The following GPC6 variants were observed in gnomAD, a reference collection of about 807,000 sequenced individuals.
GPC6 encodes the protein glypican-6.
Under a neutral mutation model 55.2 loss-of-function variants are expected in GPC6, and 14 were observed. The observed-to-expected ratio is 0.25, with a 90% confidence interval of 0.17 to 0.40. The LOEUF is 0.40. Among genes scored for constraint, GPC6 ranks in the 10% least tolerant of loss-of-function variants. The pLI is 1.00. For synonymous variants in GPC6, 278 were observed against 259.6 expected, an observed-to-expected ratio of 1.07 and a Z score of -0.68; for missense variants, 641 against 708.5, an observed-to-expected ratio of 0.90 and a Z score of 1.08.
intron 1 of GPC6, among the ~76,000 whole-genome samples, chr13:93,441,722 C>G (rs556707742): frequency 1.3e-5 from 2 of 152,272 alleles, no homozygotes; most frequent in East Asian, 3.9e-4. Flanking sequence ...TCAATTTTGG[C>G]TTTTGTTGCC....
chr13:94,095,152 G>A (rs1885615816), intron 4 of GPC6, among the ~76,000 whole-genome samples: 2 of 152,064 alleles, frequency 1.3e-5, no homozygotes, highest in Admixed American at 1.3e-4. Context: ...GTATATATAG[G>A]TAAAATCGAA....
chr13:93,652,382 C>A (rs1880455108), intron 2 of GPC6, among the ~76,000 whole-genome samples: 1 of 152,150 alleles, frequency 6.6e-6, no homozygotes, highest in Non-Finnish European at 1.5e-5. Context: ...CTACTCTGCC[C>A]CCTGCCCTGT....
chr13:93,385,991 G>A (rs1418707906), intron 1 of GPC6, among the ~76,000 whole-genome samples: 2 of 151,130 alleles, frequency 1.3e-5, no homozygotes, highest in African/African-American at 4.9e-5. Context: ...GGGTCCAATG[G>A]CATTTCAGTG....
At chr13:93,733,365 A>G (rs1195597282) in intron 2 of GPC6, among the ~76,000 whole-genome samples, 1 of 152,140 alleles carries the variant, frequency 6.6e-6, no homozygotes, top group East Asian at 1.9e-4. Flanking sequence ...TATATGGTTC[A>G]TGACGATGTG....
chr13:94,029,202 T>C (rs1011826491), intron 4 of GPC6, among the ~76,000 whole-genome samples: 20 of 152,320 alleles, frequency 1.3e-4, no homozygotes, highest in African/African-American at 4.6e-4. Flanking sequence ...CATTGGCTAA[T>C]TCACCATTTT....
chr13:93,996,797 ATATT>A (rs1156317371), intron 3 of GPC6, among the ~76,000 whole-genome samples: 2 of 152,130 alleles, frequency 1.3e-5, no homozygotes, highest in African/African-American at 2.4e-5. Flanking sequence ...TTTTTCTATG[ATATT>A]TATTTAGGTG....
chr13:94,018,552 A>C (rs1594670190), intron 3 of GPC6, among the ~76,000 whole-genome samples: 1 of 152,148 alleles, frequency 6.6e-6, no homozygotes, highest in Non-Finnish European at 1.5e-5. Context: ...CGGCCTCCCA[A>C]AATTCTGGGA....
intron 6 of GPC6, among the ~76,000 whole-genome samples, chr13:94,355,588 T>TA (rs1878757153): frequency 6.6e-6 from 1 of 152,052 alleles, no homozygotes; most frequent in Admixed American, 6.5e-5. Context: ...AATGATGAAA[T>TA]TGTATGCTAT....
At chr13:94,223,760 G>A (rs1350944731) in intron 4 of GPC6, among the ~76,000 whole-genome samples, 1 of 152,238 alleles carries the variant, frequency 6.6e-6, no homozygotes, top group African/African-American at 2.4e-5. Flanking sequence ...AAGTAGCACA[G>A]CAAGGATGCA....
chr13:93,463,494 A>G (rs1399075286), intron 1 of GPC6, among the ~76,000 whole-genome samples: 2 of 152,134 alleles, frequency 1.3e-5, no homozygotes, highest in Admixed American at 6.5e-5. Context: ...ATCCACTTAA[A>G]GAGTTCTTGT....
chr13:94,265,275 T>G (rs1017047606), intron 4 of GPC6, among the ~76,000 whole-genome samples: 2 of 152,076 alleles, frequency 1.3e-5, no homozygotes, highest in African/African-American at 4.8e-5. Flanking sequence ...GATTACAAGT[T>G]CCCACAATAA....
intron 5 of GPC6, among the ~76,000 whole-genome samples, chr13:94,305,435 T>C (rs1875890147): frequency 6.6e-6 from 1 of 152,230 alleles, no homozygotes; most frequent in Non-Finnish European, 1.5e-5. Context: ...TTACACATCT[T>C]GTGGTTAGGA....
At chr13:94,358,427 T>C (rs1878903305) in intron 6 of GPC6, among the ~76,000 whole-genome samples, 1 of 152,062 alleles carries the variant, frequency 6.6e-6, no homozygotes, top group Non-Finnish European at 1.5e-5. Flanking sequence ...TCATTGGTCA[T>C]GAGAACCTGA....
At chr13:94,373,968 T>C (rs1879712199) in intron 6 of GPC6, among the ~76,000 whole-genome samples, 2 of 151,708 alleles carry the variant, frequency 1.3e-5, no homozygotes, top group Non-Finnish European at 2.9e-5. Context: ...CAAACTAAGC[T>C]TCATAAGTGA....
intron 3 of GPC6, among the ~76,000 whole-genome samples, chr13:94,010,258 ATTAAT>A (rs1280846315): frequency 6.6e-6 from 1 of 152,220 alleles, no homozygotes; most frequent in Non-Finnish European, 1.5e-5. Flanking sequence ...ACTTGAAAAG[ATTAAT>A]TTAATTGTTC....
At chr13:94,101,181 A>C (rs1013442991) in intron 4 of GPC6, among the ~76,000 whole-genome samples, 1 of 152,304 alleles carries the variant, frequency 6.6e-6, no homozygotes, top group African/African-American at 2.4e-5. Flanking sequence ...TAAACTATAC[A>C]TTATTTGTTC....
intron 4 of GPC6, among the ~76,000 whole-genome samples, chr13:94,252,567 T>A (rs1202394706): frequency 1.3e-5 from 2 of 152,066 alleles, no homozygotes; most frequent in Non-Finnish European, 1.5e-5. Context: ...AAGACACAAG[T>A]TGTAGAGTAC....
intron 2 of GPC6, among the ~76,000 whole-genome samples, chr13:93,597,030 A>AG (rs1472960644): frequency 6.9e-6 from 1 of 144,544 alleles, no homozygotes; most frequent in Non-Finnish European, 1.5e-5. Context: ...AAAAAAAAAA[A>AG]GAAAAGAAAA....
In GPC6 at chr13:94,318,473, TAA is replaced by T. The variant is rs1302290845; in HGVS notation, c.1152+12353_1152+12354del. ...ATAGGACAGTTATAACACACTGTAA[TAA>T]AAGTTATTGAATATCATCTCTCGTG... On this transcript the variant is annotated intron_variant, in intron 6 of 8. Coordinates refer to ENST00000377047, the MANE Select transcript of GPC6 (RefSeq NM_005708.5). Among the ~76,000 whole-genome samples, 4 of 152,292 alleles carry T rather than the reference TAA, an allele frequency of 2.6e-5. No individual in the cohort carries two copies. The East Asian group carries it at 5.8e-4, about 22-fold the overall frequency.
Sources: allele counts gnomAD v4.1 joint callset (sites outside exome capture counted in the v4.1 genomes callset), GRCh38; gene constraint gnomAD v4.1.1; transcripts MANE v1.5; gene names NCBI Gene and HGNC (gene_info 2026-07-23, HGNC 2026-07-21).